The following PLCB1 variants were observed in gnomAD, a reference collection of about 807,000 sequenced individuals.
PLCB1 encodes the protein 1-phosphatidylinositol 4,5-bisphosphate phosphodiesterase beta-1.
PLCB1 carries 46 observed loss-of-function variants against 161.8 expected under a neutral mutation model. That is an observed-to-expected ratio of 0.28 (90% CI 0.22 to 0.36). The LOEUF (loss-of-function observed/expected upper bound fraction) is 0.36, where lower values mean the gene tolerates loss of function less well. Ranked by LOEUF, PLCB1 falls within the 10% of genes least tolerant of loss-of-function variation. The pLI is 1.00. For synonymous variants in PLCB1, 517 were observed against 503.7 expected (o/e 1.03, Z -0.35); for missense variants, 1,016 against 1,472.5 (o/e 0.69, Z 5.07).
chr20:8,430,485 T>C (rs1979990990), intron 3 of PLCB1, among the ~76,000 whole-genome samples: 1 of 152,190 alleles, frequency 6.6e-6, no homozygotes, highest in Admixed American at 6.5e-5. Context: ...GGGAACAGGA[T>C]GGGCCCCAAG....
chr20:8,719,665 C>A (rs1198462632), intron 14 of PLCB1, among the ~76,000 whole-genome samples: 1 of 152,132 alleles, frequency 6.6e-6, no homozygotes, highest in African/African-American at 2.4e-5. Flanking sequence ...AAGCAACCAG[C>A]AGGGAGCCCA....
At chr20:8,139,081 G>GTTTTTTTTTTT (rs71329695) in intron 1 of PLCB1, among the ~76,000 whole-genome samples, 18 of 91,626 alleles carry the variant, frequency 2.0e-4, no homozygotes, top group South Asian at 4.2e-4. Context: ...TATTTCAAGG[G>GTTTTTTTTTTT]TTTTTTTTTT....
chr20:8,459,491 TG>T (rs1568684548), intron 3 of PLCB1, among the ~76,000 whole-genome samples: 1 of 152,172 alleles, frequency 6.6e-6, no homozygotes, highest in African/African-American at 2.4e-5. Context: ...CACATGGTCT[TG>T]GTTTGAGGGT....
At chr20:8,552,763 C>T (rs527505545) in intron 3 of PLCB1, among the ~76,000 whole-genome samples, 2 of 152,254 alleles carry the variant, frequency 1.3e-5, no homozygotes, top group African/African-American at 4.8e-5. Flanking sequence ...TTCTAGGCCC[C>T]ATGCTGGATG....
chr20:8,733,232 A>G lies in PLCB1; in HGVS notation c.1889-6A>G, dbSNP rs754796840. 6.2e-7 allele frequency: 1 copy of G among 1,613,498 alleles called. No individual in the cohort carries two copies. The highest frequency in any genetic ancestry group is 1.7e-5 in the Admixed American group (1 of 59,992). On this transcript the variant is annotated splice_region_variant and splice_polypyrimidine_tract_variant and intron_variant, in intron 18 of 31. Coordinates refer to ENST00000338037, the MANE Select transcript of PLCB1 (RefSeq NM_015192.4). ...TCACAATAAGGCTTGTGTTTTTGAT[A>G]CTCAGACCTGGCTATGCAAATAAAT...
chr20:8,367,485 A>G (rs1384961469), intron 2 of PLCB1, among the ~76,000 whole-genome samples: 1 of 152,220 alleles, frequency 6.6e-6, no homozygotes, highest in Non-Finnish European at 1.5e-5. Context: ...TTGGAGAGCC[A>G]CTGATACGGA....
intron 3 of PLCB1, among the ~76,000 whole-genome samples, chr20:8,523,492 C>CCATATATATATATA (rs1555766816): frequency 1.8e-4 from 11 of 61,852 alleles, no homozygotes; most frequent in African/African-American, 6.2e-4. Context: ...CTCTCTCTCT[C>CCATATATATATATA]TCTCTATATA....
intron 2 of PLCB1, among the ~76,000 whole-genome samples, chr20:8,278,893 CAT>C (rs1341453097): frequency 6.6e-6 from 1 of 151,514 alleles, no homozygotes; most frequent in Non-Finnish European, 1.5e-5. Context: ...CTCTTCTTAA[CAT>C]TATTCTCAGT....
rs992397582 is a variant in PLCB1 at position 8,882,298 on chromosome 20, G to T, written c.*449G>T. The T allele has an allele frequency of 1.8e-5, 3 of 166,912 alleles. No individual in the cohort carries two copies. Among genetic ancestry groups the T allele is most frequent in the Middle Eastern group, 3.0e-3 (1 of 338 alleles). 10.3% of individuals were successfully genotyped at this position (166,912 alleles called of 1,614,324 possible). A position where few individuals can be genotyped will look rare whatever the true frequency, so the allele number is the denominator to read the frequency against. ...ACTTTGAGCATTGTTTCTTCTAACT[G>T]CCCCTCAACTACCATTATCTTCAAG... On this transcript the variant is annotated 3_prime_UTR_variant, in exon 32 of 32. Transcript: ENST00000338037.
chr20:8,470,942 G>A (rs1982026664), intron 3 of PLCB1, among the ~76,000 whole-genome samples: 2 of 151,840 alleles, frequency 1.3e-5, no homozygotes, highest in Admixed American at 6.6e-5. Context: ...GGTAGAAAGT[G>A]GGTAATTACT....
At chr20:8,719,557 T>A (rs915665162) in intron 14 of PLCB1, among the ~76,000 whole-genome samples, 3 of 152,172 alleles carry the variant, frequency 2.0e-5, no homozygotes, top group African/African-American at 7.2e-5. Flanking sequence ...ACACAAAAAC[T>A]ACATACTGTA....
chr20:8,814,084 G>A (rs1338256336), intron 31 of PLCB1, among the ~76,000 whole-genome samples: 2 of 152,108 alleles, frequency 1.3e-5, no homozygotes, highest in Non-Finnish European at 2.9e-5. Flanking sequence ...TAAATTTTGT[G>A]CCTAATTATA....
chr20:8,229,180 T>C (rs1328130757), intron 2 of PLCB1, among the ~76,000 whole-genome samples: 1 of 152,164 alleles, frequency 6.6e-6, no homozygotes, highest in Non-Finnish European at 1.5e-5. Context: ...TTTTCCTGAA[T>C]ACATTGCTGT....
intron 3 of PLCB1, among the ~76,000 whole-genome samples, chr20:8,419,733 C>T (rs1469106744): frequency 6.6e-6 from 1 of 152,148 alleles, no homozygotes; most frequent in Non-Finnish European, 1.5e-5. Context: ...ATAGCCCCAA[C>T]ATAAGTAGAG....
At chr20:8,197,648 A>G (rs1381511194) in intron 2 of PLCB1, among the ~76,000 whole-genome samples, 2 of 152,104 alleles carry the variant, frequency 1.3e-5, no homozygotes, top group African/African-American at 4.8e-5. Flanking sequence ...TGCTGTGCAG[A>G]AACTCTTTAG....
At chr20:8,214,542 T>A (rs1979015112) in intron 2 of PLCB1, among the ~76,000 whole-genome samples, 1 of 152,150 alleles carries the variant, frequency 6.6e-6, no homozygotes, top group Non-Finnish European at 1.5e-5. Context: ...AACATTTTCT[T>A]TATAAATTAC....
chr20:8,772,040 C>T (rs913409253), intron 26 of PLCB1, among the ~76,000 whole-genome samples: 3 of 144,560 alleles, frequency 2.1e-5, no homozygotes, highest in South Asian at 2.3e-4. Context: ...CCACTAGGCC[C>T]GGTTAATTTT....
intron 31 of PLCB1, among the ~76,000 whole-genome samples, chr20:8,812,621 C>G (rs951842805): frequency 4.6e-5 from 7 of 152,170 alleles, no homozygotes; most frequent in Admixed American, 3.9e-4. Flanking sequence ...CAGCACAGAC[C>G]TATGAGGATG....
At chr20:8,685,354 T>A (rs568274689) in intron 10 of PLCB1, among the ~76,000 whole-genome samples, 1 of 152,140 alleles carries the variant, frequency 6.6e-6, no homozygotes, top group Non-Finnish European at 1.5e-5. Flanking sequence ...GATTTTTGTG[T>A]AACTGAACTC....
Sources: allele counts gnomAD v4.1 joint callset (sites outside exome capture counted in the v4.1 genomes callset), GRCh38; gene constraint gnomAD v4.1.1; transcripts MANE v1.5; gene names NCBI Gene and HGNC (gene_info 2026-07-23, HGNC 2026-07-21).